The following PDCD6IP variants were observed in gnomAD, a reference collection of about 807,000 sequenced individuals.
PDCD6IP encodes programmed cell death 6-interacting protein.
Under a neutral mutation model 103.7 loss-of-function variants are expected in PDCD6IP, and 43 were observed. That is an observed-to-expected ratio of 0.41 (90% confidence interval 0.32 to 0.53). PDCD6IP has a LOEUF of 0.53. Among genes scored for constraint, PDCD6IP ranks in the 20% least tolerant of loss-of-function variants. The pLI, the probability that PDCD6IP is intolerant of heterozygous loss-of-function variation, is 0.16. For synonymous variants in PDCD6IP, 354 were observed against 378.7 expected, an observed-to-expected ratio of 0.93 and a Z score of 0.76; for missense variants, 871 against 1,036.7, an observed-to-expected ratio of 0.84 and a Z score of 2.20.
At chr3:33,827,661 T>A (rs1350141016) in intron 6 of PDCD6IP, 1 of 152,092 alleles carries the variant, frequency 6.6e-6, no homozygotes, top group Non-Finnish European at 1.5e-5. Flanking sequence ...TACATCCTGT[T>A]GGGCCATTAG....
chr3:33,819,990 G>C (rs1448496837), intron 3 of PDCD6IP, among the ~76,000 whole-genome samples: 1 of 152,136 alleles, frequency 6.6e-6, no homozygotes, highest in Non-Finnish European at 1.5e-5. Context: ...CCCAGTAAAT[G>C]ATAACTTCAC....
intron 15 of PDCD6IP, among the ~76,000 whole-genome samples, chr3:33,860,284 GA>G (rs1161763241): frequency 5.3e-5 from 8 of 152,196 alleles, no homozygotes; most frequent in Non-Finnish European, 8.8e-5. Context: ...AAAGGTGAAT[GA>G]AAGATGGAAA....
intron 15 of PDCD6IP, among the ~76,000 whole-genome samples, chr3:33,863,432 C>A (rs189820952): frequency 6.6e-6 from 1 of 152,156 alleles, no homozygotes; most frequent in South Asian, 2.1e-4. Context: ...ATCCCCACCC[C>A]CTACTCTTTC....
intron 15 of PDCD6IP, among the ~76,000 whole-genome samples, chr3:33,858,007 C>T (rs1456686316): frequency 6.6e-6 from 1 of 152,084 alleles, no homozygotes; most frequent in East Asian, 1.9e-4. Context: ...GCACTATTTA[C>T]AGACATTATG....
intron 15 of PDCD6IP, among the ~76,000 whole-genome samples, chr3:33,855,620 T>G (rs1394161759): frequency 6.6e-6 from 1 of 152,230 alleles, no homozygotes; most frequent in Non-Finnish European, 1.5e-5. Flanking sequence ...ACAGCATGAA[T>G]AGCTCAGAGA....
intron 15 of PDCD6IP, among the ~76,000 whole-genome samples, chr3:33,863,441 T>C (rs12488167): frequency 0.36 from 54,219 of 152,004 alleles, 10,615 homozygotes; most frequent in African/African-American, 0.52. Context: ...CCCTACTCTT[T>C]CTTGACTCTA....
At chr3:33,857,779 G>A (rs1007670788) in intron 15 of PDCD6IP, among the ~76,000 whole-genome samples, 16 of 152,080 alleles carry the variant, frequency 1.1e-4, no homozygotes, top group Non-Finnish European at 2.1e-4. Context: ...AGATGCTTCC[G>A]TAACATGAAA....
intron 12 of PDCD6IP, among the ~76,000 whole-genome samples, chr3:33,846,210 C>A (rs966444455): frequency 6.6e-6 from 1 of 152,104 alleles, no homozygotes; most frequent in Non-Finnish European, 1.5e-5. Context: ...GGAAAACAAG[C>A]GAAAGGGCAA....
At chr3:33,856,039 T>C (rs1319528878) in intron 15 of PDCD6IP, among the ~76,000 whole-genome samples, 1 of 152,148 alleles carries the variant, frequency 6.6e-6, no homozygotes, top group African/African-American at 2.4e-5. Flanking sequence ...TCCTGTCAGA[T>C]CAGCCACAGC....
At chr3:33,813,106 T>C (rs1362884736) in intron 2 of PDCD6IP, among the ~76,000 whole-genome samples, 2 of 152,190 alleles carry the variant, frequency 1.3e-5, no homozygotes, top group Non-Finnish European at 2.9e-5. Flanking sequence ...TGAATATGTC[T>C]GTATAACCAC....
At chr3:33,858,582 G>A (rs1697880726) in intron 15 of PDCD6IP, among the ~76,000 whole-genome samples, 2 of 152,110 alleles carry the variant, frequency 1.3e-5, no homozygotes, top group African/African-American at 2.4e-5. Flanking sequence ...AGGCTGAGGC[G>A]GGCGGATCAC....
At chr3:33,848,398 ATTTC>A (rs928823552) in intron 12 of PDCD6IP, among the ~76,000 whole-genome samples, 15 of 149,538 alleles carry the variant, frequency 1.0e-4, no homozygotes, top group Non-Finnish European at 1.5e-4. Context: ...TGTTGAGGGC[ATTTC>A]TTTCTTTCTT....
At position 33,858,815 on chromosome 3, in the gene PDCD6IP, CAAAAA is replaced by C. The variant is rs569400543; in HGVS notation, c.2120+3556_2120+3560del. 5.4e-3 allele frequency among the ~76,000 whole-genome samples: 826 copies of C among 152,042 alleles called. 7 individuals are homozygous for C. The highest frequency in any genetic ancestry group is 0.018 in the African/African-American group (752 of 41,494). Reference sequence around the variant, plus strand: ...ACAGAGTGAGACTCTGTCTCAAAAACAAAAACAAAACAAAACAAAAGAAATAAACA... The same window carrying C: ...ACAGAGTGAGACTCTGTCTCAAAAACCAAAACAAAACAAAAGAAATAAACA... On this transcript the variant is annotated intron_variant, in intron 15 of 17. Transcript: ENST00000307296.
At chr3:33,814,754 C>G (rs1303800855) in intron 3 of PDCD6IP, among the ~76,000 whole-genome samples, 1 of 144,064 alleles carries the variant, frequency 6.9e-6, no homozygotes, top group Non-Finnish European at 1.5e-5. Flanking sequence ...TGTATATATA[C>G]TTACATATAC....
At chr3:33,830,180 G>C (rs4605498) in intron 7 of PDCD6IP, among the ~76,000 whole-genome samples, 44,396 of 151,960 alleles carry the variant, frequency 0.29, 6,719 homozygotes, top group East Asian at 0.41. Flanking sequence ...CATGGGAAAG[G>C]ATCTCACAGT....
At chr3:33,849,543 A>G (rs1280241440) in intron 12 of PDCD6IP, among the ~76,000 whole-genome samples, 1 of 152,224 alleles carries the variant, frequency 6.6e-6, no homozygotes, top group Non-Finnish European at 1.5e-5. Flanking sequence ...ATTTGTTTGA[A>G]TGATCATCAC....
chr3:33,855,330 G>A, intron 15 of PDCD6IP, 70 bp downstream of exon 15: 3 of 936,886 alleles, frequency 3.2e-6, no homozygotes, highest in Middle Eastern at 2.1e-4. Context: ...GAGACTTTTG[G>A]TATGAACTTG....
intron 4 of PDCD6IP, 93 bp from the exon 5 acceptor site, chr3:33,825,094 A>G: frequency 1.9e-6 from 2 of 1,063,678 alleles, no homozygotes; most frequent in Non-Finnish European, 2.8e-6. Context: ...TTAACTGTTC[A>G]CTGAGTTAAC....
chr3:33,846,695 T>A (rs374788254), intron 12 of PDCD6IP, among the ~76,000 whole-genome samples: 1 of 152,204 alleles, frequency 6.6e-6, no homozygotes, highest in Non-Finnish European at 1.5e-5. Flanking sequence ...TAGAGAGTTA[T>A]CCGAGGTACA....
Sources: allele counts gnomAD v4.1 joint callset (sites outside exome capture counted in the v4.1 genomes callset), GRCh38; gene constraint gnomAD v4.1.1; transcripts MANE v1.5; gene names NCBI Gene and HGNC (gene_info 2026-07-23, HGNC 2026-07-21).